Variants in IMMP2L observed in about 807,000 individuals in gnomAD.
IMMP2L encodes mitochondrial inner membrane protease subunit 2.
Under a neutral mutation model 19.3 loss-of-function variants are expected in IMMP2L, and 18 were observed. The observed-to-expected ratio is 0.93, with a 90% CI of 0.64 to 1.38. The LOEUF (loss-of-function observed/expected upper bound fraction) is 1.38, where lower values mean the gene tolerates loss of function less well. IMMP2L is among the 40% of genes most tolerant of loss of function. The pLI, the probability that IMMP2L is intolerant of heterozygous loss-of-function variation, is 0.00. For missense variants in IMMP2L, 233 were observed against 218.2 expected (o/e 1.07, Z -0.43); for synonymous variants, 76 against 73.0 (o/e 1.04, Z -0.21).
intron 4 of IMMP2L, among the ~76,000 whole-genome samples, chr7:110,887,066 T>A (rs921401238): frequency 7.2e-5 from 11 of 152,076 alleles, no homozygotes; most frequent in Admixed American, 4.6e-4. Context: ...AATATTCAAC[T>A]TTTTCAACTG....
chr7:110,797,355 A>G (rs1447876732), intron 5 of IMMP2L, among the ~76,000 whole-genome samples: 1 of 152,026 alleles, frequency 6.6e-6, no homozygotes, highest in East Asian at 1.9e-4. Flanking sequence ...TAAGGAAGAA[A>G]TAATATTGGT....
chr7:111,383,649 A>T (rs1190917065), intron 3 of IMMP2L, among the ~76,000 whole-genome samples: 1 of 152,136 alleles, frequency 6.6e-6, no homozygotes, highest in Non-Finnish European at 1.5e-5. Flanking sequence ...TAAATAATGC[A>T]TCAGTCCAGA....
chr7:110,816,419 G>T (rs1171669025), intron 5 of IMMP2L, among the ~76,000 whole-genome samples: 1 of 151,766 alleles, frequency 6.6e-6, no homozygotes, highest in Non-Finnish European at 1.5e-5. Flanking sequence ...GTGTGGTGTG[G>T]TGCTGAGAAG....
In IMMP2L at chr7:111,142,335, AAAAAAAAAGAAAGAAAG is replaced by A. The variant is rs1375750129; in HGVS notation, c.240-178787_240-178771del. Among the ~76,000 whole-genome samples, 200 of 62,744 alleles carry A rather than the reference AAAAAAAAAGAAAGAAAG, an allele frequency of 3.2e-3. 3 individuals are homozygous for A. Among genetic ancestry groups the A allele is most frequent in the Middle Eastern group, 0.011 (2 of 182 alleles). The allele number at this position is 62,744 out of a possible 152,430, so 41.2% of individuals were successfully genotyped here. A position where few individuals can be genotyped will look rare whatever the true frequency, so the allele number is the denominator to read the frequency against. On this transcript the variant is annotated intron_variant, in intron 3 of 5. Transcript: ENST00000405709. ...GGTGAGACTCTGTCTCAAAAAAAAAAAAAAAAAAGAAAGAAAGAAAGAAAGAAAGAAAGAATAGAAAA... is the reference window on the plus strand; with the variant it reads ...GGTGAGACTCTGTCTCAAAAAAAAAAAAAGAAAGAAAGAAAGAATAGAAAA...
At chr7:111,004,694 G>T (rs1161639084) in intron 3 of IMMP2L, among the ~76,000 whole-genome samples, 1 of 152,126 alleles carries the variant, frequency 6.6e-6, no homozygotes, top group Non-Finnish European at 1.5e-5. Context: ...CCCCTTCAAG[G>T]AAGGCAAAGC....
chr7:111,560,057 T>C (rs1000868758), intron 1 of IMMP2L, among the ~76,000 whole-genome samples: 1 of 152,150 alleles, frequency 6.6e-6, no homozygotes, highest in African/African-American at 2.4e-5. Context: ...CCATATATAA[T>C]ACGCAGTTAA....
At chr7:111,347,144 T>G in intron 3 of IMMP2L, among the ~76,000 whole-genome samples, 1 of 152,070 alleles carries the variant, frequency 6.6e-6, no homozygotes, top group African/African-American at 2.4e-5. Context: ...GCAGAAAGGC[T>G]GGCTTGAGGA....
intron 1 of IMMP2L, among the ~76,000 whole-genome samples, chr7:111,544,795 T>C (rs1848774766): frequency 6.6e-6 from 1 of 151,484 alleles, no homozygotes. Flanking sequence ...TTGGCTTTTT[T>C]TTTTTCATGA....
At chr7:110,680,565 T>C (rs1184133578) in intron 5 of IMMP2L, among the ~76,000 whole-genome samples, 2 of 152,010 alleles carry the variant, frequency 1.3e-5, no homozygotes, top group Non-Finnish European at 2.9e-5. Flanking sequence ...GTGCTTGAAG[T>C]TTTAAATGTG....
intron 4 of IMMP2L, among the ~76,000 whole-genome samples, chr7:110,919,864 G>A (rs541970840): frequency 3.3e-5 from 5 of 152,228 alleles, no homozygotes; most frequent in African/African-American, 9.6e-5. Flanking sequence ...TGGACTGGGA[G>A]AGGCAGACCC....
intron 3 of IMMP2L, among the ~76,000 whole-genome samples, chr7:111,210,048 T>C (rs778667121): frequency 5.9e-5 from 9 of 152,186 alleles, no homozygotes; most frequent in Non-Finnish European, 1.2e-4. Flanking sequence ...CCTCTCCTTT[T>C]AGCTGAGCCT....
At chr7:111,438,735 T>G (rs1288185558) in intron 3 of IMMP2L, among the ~76,000 whole-genome samples, 1 of 151,850 alleles carries the variant, frequency 6.6e-6, no homozygotes, top group African/African-American at 2.4e-5. Context: ...GTCACGCTTC[T>G]TCCCAGAAGA....
At chr7:110,941,990 A>T (rs1461641443) in intron 4 of IMMP2L, among the ~76,000 whole-genome samples, 2 of 151,974 alleles carry the variant, frequency 1.3e-5, no homozygotes, top group African/African-American at 2.4e-5. Flanking sequence ...CTGAAAAATA[A>T]GCTGAAAAAA....
intron 3 of IMMP2L, among the ~76,000 whole-genome samples, chr7:111,343,725 T>C (rs1463242597): frequency 6.6e-6 from 1 of 152,100 alleles, no homozygotes; most frequent in Non-Finnish European, 1.5e-5. Context: ...AGAATAAAAA[T>C]GTATTTCCTG....
At chr7:110,703,578 T>C (rs1043151468) in intron 5 of IMMP2L, among the ~76,000 whole-genome samples, 2 of 152,186 alleles carry the variant, frequency 1.3e-5, no homozygotes, top group Non-Finnish European at 2.9e-5. Flanking sequence ...AATAGATAAA[T>C]ATACAAAATC....
chr7:110,821,205 A>G (rs1278107288), intron 5 of IMMP2L, among the ~76,000 whole-genome samples: 1 of 152,108 alleles, frequency 6.6e-6, no homozygotes, highest in Non-Finnish European at 1.5e-5. Flanking sequence ...CTTATAAAAA[A>G]GGTTAAATAA....
At chr7:111,086,410 G>A (rs992779372) in intron 3 of IMMP2L, among the ~76,000 whole-genome samples, 2 of 151,560 alleles carry the variant, frequency 1.3e-5, no homozygotes, top group Non-Finnish European at 2.9e-5. Flanking sequence ...GCCATTGCAC[G>A]CCAGCCTGGG....
At chr7:111,540,365 T>C (rs568098970) in intron 1 of IMMP2L, among the ~76,000 whole-genome samples, 1 of 152,224 alleles carries the variant, frequency 6.6e-6, no homozygotes, top group Admixed American at 6.5e-5. Context: ...TGCACAACAT[T>C]GTGCAATTGC....
At chr7:111,133,978 TCTA>T (rs1191896451) in intron 3 of IMMP2L, among the ~76,000 whole-genome samples, 1 of 152,064 alleles carries the variant, frequency 6.6e-6, no homozygotes, top group East Asian at 1.9e-4. Flanking sequence ...ACTCCAGCTT[TCTA>T]CTGTCTCCCC....
Sources: gnomAD v4.1 joint callset for allele counts (sites outside exome capture counted in the v4.1 genomes callset) on GRCh38, gnomAD v4.1.1 for gene constraint, MANE v1.5 for transcripts, NCBI Gene and HGNC (gene_info 2026-07-23, HGNC 2026-07-21) for gene names.